Variants in IPO5 observed in about 807,000 individuals in gnomAD.
IPO5 encodes importin-5.
In IPO5, 18 loss-of-function variants were observed where a neutral mutation model predicts 143.3. The ratio of observed to expected loss-of-function variants is 0.13; its 90% CI spans 0.09 to 0.19. The LOEUF is 0.19. IPO5 is among the 10% of genes least tolerant of loss of function. The probability of loss-of-function intolerance (pLI) is 1.00; values close to 1 mark genes in which losing one functional copy is unlikely to be tolerated. For synonymous variants in IPO5, 477 were observed against 465.7 expected (o/e 1.02, Z -0.31); for missense variants, 1,013 against 1,336.9 (o/e 0.76, Z 3.78).
At chr13:97,957,308 CCACCT>C (rs1240891361) in intron 2 of IPO5, among the ~76,000 whole-genome samples, 1 of 152,040 alleles carries the variant, frequency 6.6e-6, no homozygotes, top group East Asian at 1.9e-4. Context: ...AGCGATTCTC[CCACCT>C]CAGCCTCCTG....
At chr13:97,976,251 C>G (rs1195474969) in intron 3 of IPO5, among the ~76,000 whole-genome samples, 1 of 151,626 alleles carries the variant, frequency 6.6e-6, no homozygotes, top group Admixed American at 6.6e-5. Context: ...GCTGTCCCCG[C>G]GACGCAGCCC....
intron 2 of IPO5, among the ~76,000 whole-genome samples, chr13:97,966,049 G>T (rs1168707354): frequency 6.7e-6 from 1 of 150,034 alleles, no homozygotes; most frequent in Non-Finnish European, 1.5e-5. Flanking sequence ...GCTGAGGCAG[G>T]AGAATCGCTT....
At chr13:97,961,624 G>A (rs998042459) in intron 2 of IPO5, among the ~76,000 whole-genome samples, 1 of 152,100 alleles carries the variant, frequency 6.6e-6, no homozygotes, top group Non-Finnish European at 1.5e-5. Flanking sequence ...ATTTTATTGG[G>A]TATGAAGTGG....
intron 11 of IPO5, among the ~76,000 whole-genome samples, chr13:97,996,896 T>G (rs775166791): frequency 1.6e-4 from 24 of 152,196 alleles, no homozygotes; most frequent in Non-Finnish European, 3.4e-4. Flanking sequence ...CTAGACTTGT[T>G]TGATAATTTT....
chr13:98,012,779 A>AC (rs1889809945), intron 21 of IPO5, among the ~76,000 whole-genome samples: 1 of 150,542 alleles, frequency 6.6e-6, no homozygotes, highest in South Asian at 2.1e-4. Context: ...CAGGTGCACA[A>AC]CACCAAGCCC....
At chr13:98,005,366 T>TTTAG (rs1889145496) in intron 16 of IPO5, among the ~76,000 whole-genome samples, 1 of 15,328 alleles carries the variant, frequency 6.5e-5, no homozygotes, top group Non-Finnish European at 1.2e-4. Context: ...CTGGCTAATT[T>TTTAG]TTATTTATTT....
chr13:97,965,150 T>C (rs910287176), intron 2 of IPO5, among the ~76,000 whole-genome samples: 2 of 151,632 alleles, frequency 1.3e-5, no homozygotes, highest in Non-Finnish European at 2.9e-5. Flanking sequence ...TGAGAACACA[T>C]GGACACAGGA....
At chr13:98,021,587 A>G in intron 28 of IPO5, 149 bp from the exon 29 acceptor site, 1 of 435,018 alleles carries the variant, frequency 2.3e-6, no homozygotes, top group Non-Finnish European at 4.0e-6. Context: ...AAAAATGAAC[A>G]GATTTCTTGC....
At chr13:98,003,862 G>T (rs1235195153) in intron 16 of IPO5, among the ~76,000 whole-genome samples, 2 of 151,918 alleles carry the variant, frequency 1.3e-5, no homozygotes, top group Non-Finnish European at 2.9e-5. Flanking sequence ...AAAAAAAGAT[G>T]AAAGAGAAGA....
chr13:97,975,180 T>G (rs1201279110), intron 3 of IPO5, among the ~76,000 whole-genome samples: 1 of 145,064 alleles, frequency 6.9e-6, no homozygotes, highest in East Asian at 2.0e-4. Flanking sequence ...AGAAATGAAT[T>G]GTTTTTGTAG....
chr13:98,001,733 C>T (rs1465607282), intron 13 of IPO5: 1 of 152,248 alleles, frequency 6.6e-6, no homozygotes, highest in Non-Finnish European at 1.5e-5. Flanking sequence ...CCACCCTGGC[C>T]TCCCAAAATG....
intron 2 of IPO5, among the ~76,000 whole-genome samples, chr13:97,960,879 T>TG (rs1884822552): frequency 6.6e-6 from 1 of 152,110 alleles, no homozygotes; most frequent in Non-Finnish European, 1.5e-5. Context: ...CCTTCTAAAG[T>TG]GTACAATGGA....
intron 3 of IPO5, among the ~76,000 whole-genome samples, chr13:97,974,655 C>G (rs551319451): frequency 6.8e-6 from 1 of 147,960 alleles, no homozygotes; most frequent in Non-Finnish European, 1.5e-5. Context: ...ATGAAACCTC[C>G]TCAGAATCCA....
rs1447553598 is a variant in IPO5, at chr13:98,023,945, A to G, written c.*2123A>G. 1 of 152,226 alleles carries G rather than the reference A, an allele frequency of 6.6e-6. No individual in the cohort carries two copies. Among genetic ancestry groups the G allele is most frequent in the African/African-American group, 2.4e-5 (1 of 41,468 alleles). The allele number at this position is 152,226 out of a possible 1,614,324, so 9.4% of individuals were successfully genotyped here. A position where few individuals can be genotyped will look rare whatever the true frequency, so the allele number is the denominator to read the frequency against. ...GCATTTTTAATACCTCATTCTGTCT[A>G]TGCAAGATGAAAATCCATGGAGTTT... On this transcript the variant is annotated 3_prime_UTR_variant, in exon 29 of 29. Transcript: ENST00000651721.
At position 98,015,546 on chromosome 13, in the gene IPO5, G is replaced by A. The variant is rs1184599207; in HGVS notation, c.2342G>A (p.Gly781Glu). The A allele has an allele frequency of 6.2e-7, 1 of 1,603,164 alleles. No individual in the cohort carries two copies. Among genetic ancestry groups the A allele is most frequent in the Admixed American group, 1.7e-5 (1 of 59,760 alleles). ...CCTCATTAGTGCATTGAAGTAATGG[G>A]AGATGGATGCCTTAATAATGAACAC... ...HSFAKCIEVM[G>E]DGCLNNEHFE... The change falls in exon 23 of 29, where the codon GGA becomes GAA. Residue 781 changes from glycine (G) to glutamate (E), a missense_variant. Transcript: ENST00000651721.
chr13:97,981,924 TA>T (rs1198251147), intron 4 of IPO5: 1 of 152,680 alleles, frequency 6.5e-6, no homozygotes, highest in Non-Finnish European at 1.5e-5. Flanking sequence ...CAAAAGACGA[TA>T]AAGCCTCCTG....
intron 5 of IPO5, among the ~76,000 whole-genome samples, chr13:97,984,356 A>G (rs1887152259): frequency 6.6e-6 from 1 of 152,166 alleles, no homozygotes; most frequent in African/African-American, 2.4e-5. Flanking sequence ...CAAATTTTAA[A>G]GCCAAGAATA....
intron 22 of IPO5, among the ~76,000 whole-genome samples, chr13:98,014,549 T>A (rs1042906301): frequency 2.2e-4 from 34 of 152,216 alleles, no homozygotes; most frequent in Admixed American, 9.2e-4. Context: ...GGCAGCTAAA[T>A]AAATTTTTAT....
chr13:98,021,132 A>T lies in IPO5; in HGVS notation c.3206A>T (p.Gln1069Leu). 1 of 1,593,444 alleles carries T rather than the reference A, an allele frequency of 6.3e-7. No individual in the cohort carries two copies. The highest frequency in any genetic ancestry group is 1.8e-5 in the Admixed American group (1 of 55,054). Reference sequence around the variant, plus strand: ...CTGGCCAATGTCGTTCGCCAAGTACAGGTAAGCTGATTTGGTTGAATTGGG... The same window carrying T: ...CTGGCCAATGTCGTTCGCCAAGTACTGGTAAGCTGATTTGGTTGAATTGGG... ...KRLANVVRQV[Q>L]TSGGLWTECI... Residue 1069 changes from glutamine to leucine, a missense_variant and splice_region_variant, in exon 28 of 29, where the codon CAG becomes CTG. Physicochemically the swap from Gln to Leu is moderately radical, Grantham distance 113. Around this residue, in one of 2 missense-constraint regions of IPO5, gnomAD observed 685 missense variants for 994.9 expected, o/e 0.69. Coordinates refer to ENST00000651721, the MANE Select transcript of IPO5 (RefSeq NM_002271.6).
Sources: allele counts gnomAD v4.1 joint callset (sites outside exome capture counted in the v4.1 genomes callset), GRCh38; gene constraint gnomAD v4.1.1; regional missense constraint gnomAD v4.1.1; transcripts MANE v1.5; gene names NCBI Gene and HGNC (gene_info 2026-07-23, HGNC 2026-07-21).